ENTPD3: variants seen among roughly 807,000 people sequenced by gnomAD.
ENTPD3 encodes CD39 antigen-like 3.
In ENTPD3, 60 loss-of-function variants were observed where a neutral mutation model predicts 51.2. The ratio of observed to expected loss-of-function variants is 1.17; its 90% CI spans 0.95 to 1.45. The LOEUF is 1.45. Among genes scored for constraint, ENTPD3 ranks in the 40% most tolerant of loss-of-function variants. The probability of loss-of-function intolerance (pLI) is 0.00; values close to 1 mark genes in which losing one functional copy is unlikely to be tolerated. For missense variants in ENTPD3, 593 were observed against 641.1 expected, an observed-to-expected ratio of 0.93 and a Z score of 0.81; for synonymous variants, 221 against 238.4, an observed-to-expected ratio of 0.93 and a Z score of 0.67.
Position 40,417,560 on chromosome 3 carries a change from G to A in ENTPD3, c.831+1487G>A, listed in dbSNP as rs76615354. Reference sequence around the variant, plus strand: ...CCCACCAGGCCCCTCCTCCAACACTGGGATTACAATTTTACATGAGACAAA... The same window carrying A: ...CCCACCAGGCCCCTCCTCCAACACTAGGATTACAATTTTACATGAGACAAA... On this transcript the variant is annotated intron_variant, in intron 7 of 10. Transcript: ENST00000301825. Among the ~76,000 whole-genome samples the A allele has an allele frequency of 8.5e-3, 1,288 of 151,944 alleles. 18 individuals are homozygous for A. Among genetic ancestry groups the A allele is most frequent in the African/African-American group, 0.028 (1,145 of 41,390 alleles).
chr3:40,390,655 T>G (rs1464211172), intron 2 of ENTPD3, among the ~76,000 whole-genome samples: 2 of 152,232 alleles, frequency 1.3e-5, no homozygotes, highest in East Asian at 3.8e-4. Flanking sequence ...TAAGGGCAAT[T>G]TATAAGTTTA....
At position 40,391,861 on chromosome 3, in the gene ENTPD3, G is replaced by T; in HGVS notation, c.41-162G>T. On this transcript the variant is annotated intron_variant, in intron 2 of 10. Transcript: ENST00000301825. Reference sequence around the variant, plus strand: ...GTGCTTCCCCAAAACTGGGGAGAAGGGGAGCTTATTTGCTACTCCATCTTA... The same window carrying T: ...GTGCTTCCCCAAAACTGGGGAGAAGTGGAGCTTATTTGCTACTCCATCTTA... 3 of 761,342 alleles carry T rather than the reference G, an allele frequency of 3.9e-6. No individual in the cohort carries two copies. In the South Asian group the frequency reaches 5.0e-5, roughly 13 times the overall value. 47.2% of individuals were successfully genotyped at this position (761,342 alleles called of 1,614,324 possible).
intron 2 of ENTPD3, among the ~76,000 whole-genome samples, chr3:40,390,593 C>T (rs7636719): frequency 0.44 from 66,389 of 152,002 alleles, 16,163 homozygotes; most frequent in African/African-American, 0.65. Context: ...GATCTTAAGT[C>T]GTGCCCCTAA....
Position 40,415,926 on chromosome 3 carries a change from C to T in ENTPD3, c.684C>T (p.Ser228=). ...TAGGTGGTGCCTCCACCCAAATATC[C>T]TTCGTGGCAGGAGAGAAGATGGATC... ...LDLGGASTQI[S]FVAGEKMDLN... Residue 228 remains serine (S), a synonymous_variant, in exon 7 of 11, where the codon TCC becomes TCT. Transcript: ENST00000301825. 2 of 1,614,138 alleles carry T rather than the reference C, an allele frequency of 1.2e-6. No individual in the cohort carries two copies. Among genetic ancestry groups the T allele is most frequent in the South Asian group, 2.2e-5 (2 of 91,068 alleles).
At chr3:40,408,172 G>A (rs1955547788) in intron 4 of ENTPD3, among the ~76,000 whole-genome samples, 1 of 152,162 alleles carries the variant, frequency 6.6e-6, no homozygotes, top group African/African-American at 2.4e-5. Flanking sequence ...CACATACAAG[G>A]TATGGACTTT....
At position 40,415,831 on chromosome 3, in the gene ENTPD3, AC is replaced by A. The variant is rs752373865; in HGVS notation, c.598-8del. 2 of 1,611,322 alleles carry A rather than the reference AC, an allele frequency of 1.2e-6. No individual in the cohort carries two copies. The highest frequency in any genetic ancestry group is 2.7e-5 in the African/African-American group (2 of 74,972). On this transcript the variant is annotated splice_region_variant and splice_polypyrimidine_tract_variant and intron_variant, in intron 6 of 10. Transcript: ENST00000301825. ...GCTTTCTTTCTCACTTCCTTTTCCC[AC>A]TGTGCAGAAGAACCTGTGGCACATG...
intron 10 of ENTPD3, among the ~76,000 whole-genome samples, chr3:40,425,170 C>T (rs776074053): frequency 6.6e-6 from 1 of 152,116 alleles, no homozygotes; most frequent in East Asian, 1.9e-4. Context: ...GTAATCCCAG[C>T]GCTTTGGGAG....
intron 7 of ENTPD3, among the ~76,000 whole-genome samples, chr3:40,418,177 CAT>C (rs1243746021): frequency 2.0e-5 from 3 of 152,190 alleles, no homozygotes; most frequent in East Asian, 3.8e-4. Flanking sequence ...GACAGGGACA[CAT>C]GTCTTCAATT....
chr3:40,418,041 A>G (rs4973898), intron 7 of ENTPD3, among the ~76,000 whole-genome samples: 80,254 of 152,086 alleles, frequency 0.53, 24,053 homozygotes, highest in Non-Finnish European at 0.69. Flanking sequence ...AGCAGTCCAC[A>G]GAGAAGAAGT....
At chr3:40,418,196 G>A (rs1263360858) in intron 7 of ENTPD3, among the ~76,000 whole-genome samples, 1 of 152,116 alleles carries the variant, frequency 6.6e-6, no homozygotes, top group African/African-American at 2.4e-5. Flanking sequence ...AATTTGCATG[G>A]TAACCTCTAG....
At chr3:40,387,867 A>G (rs2305522) in intron 1 of ENTPD3, 179 bp from the exon 2 acceptor site, 221,494 of 565,544 alleles carry the variant, frequency 0.39, 47,748 homozygotes, top group African/African-American at 0.65. Flanking sequence ...AGATGACATG[A>G]AATTTAAGCT....
intron 4 of ENTPD3, among the ~76,000 whole-genome samples, chr3:40,403,779 A>C (rs766012656): frequency 2.6e-5 from 4 of 151,392 alleles, no homozygotes; most frequent in Non-Finnish European, 4.4e-5. Flanking sequence ...CAGCCTCCTG[A>C]GTAGCTGGGA....
At position 40,428,449 on chromosome 3, in the gene ENTPD3, TC is replaced by T. The variant is rs1011328865; in HGVS notation, c.*942del. On this transcript the variant is annotated 3_prime_UTR_variant, in exon 11 of 11. Transcript: ENST00000301825. ...GATCATAGACCTCTCTGCATAGTAG[TC>T]ATAGGTCTTGACTTTGGGGAAAGAA... is the stretch of plus-strand genomic sequence containing the variant. The T allele has an allele frequency of 3.3e-5, 5 of 152,200 alleles. No homozygotes were observed. The highest frequency in any genetic ancestry group is 1.2e-4 in the African/African-American group (5 of 41,452). The allele number at this position is 152,200 out of a possible 1,614,324, so 9.4% of individuals were successfully genotyped here.
chr3:40,423,930 G>GGA lies in ENTPD3; in HGVS notation c.1323_1324dup (p.Thr442ArgfsTer17). The stretch of plus-strand genomic sequence containing the variant: ...TTGTGAACGGTTACAAATTCACAGA[G>GGA]GAGACTTGGCCCCAAATACACTTTG... On this transcript the variant is annotated frameshift_variant, in exon 10 of 11. Coordinates refer to ENST00000301825, the MANE Select transcript of ENTPD3 (RefSeq NM_001248.4). LOFTEE classifies it high-confidence loss of function. 6.2e-7 allele frequency: 1 copy of GGA among 1,614,094 alleles called. No homozygotes were observed. The highest frequency in any genetic ancestry group is 1.1e-5 in the South Asian group (1 of 91,064).
At chr3:40,409,518 C>A (rs1324363396) in intron 4 of ENTPD3, among the ~76,000 whole-genome samples, 1 of 152,182 alleles carries the variant, frequency 6.6e-6, no homozygotes, top group Non-Finnish European at 1.5e-5. Context: ...ATGAAATCCA[C>A]GTCTGTGCAT....
chr3:40,424,458 A>G (rs114326950), intron 10 of ENTPD3, among the ~76,000 whole-genome samples: 2,132 of 152,344 alleles, frequency 0.014, 56 homozygotes, highest in African/African-American at 0.047. Flanking sequence ...TTAGCATTAA[A>G]TAAATATTTT....
intron 5 of ENTPD3, among the ~76,000 whole-genome samples, chr3:40,413,714 TC>T (rs1276281177): frequency 6.6e-5 from 10 of 152,200 alleles, no homozygotes; most frequent in African/African-American, 2.4e-4. Flanking sequence ...AATGAATGTC[TC>T]CTTTGAATAA....
chr3:40,402,116 T>TTTTTTTC (rs1553643051), intron 4 of ENTPD3, among the ~76,000 whole-genome samples: 25 of 32,346 alleles, frequency 7.7e-4, no homozygotes, highest in Non-Finnish European at 1.6e-3. Flanking sequence ...CTTTCCTTTT[T>TTTTTTTC]TTTTTTCTTT....
intron 5 of ENTPD3, among the ~76,000 whole-genome samples, chr3:40,413,086 A>G (rs1165699934): frequency 6.6e-6 from 1 of 152,190 alleles, no homozygotes; most frequent in Non-Finnish European, 1.5e-5. Flanking sequence ...AATTCCATGG[A>G]CCTAAAATCC....
Sources: allele counts gnomAD v4.1 joint callset (sites outside exome capture counted in the v4.1 genomes callset), GRCh38; gene constraint gnomAD v4.1.1; transcripts MANE v1.5; gene names NCBI Gene and HGNC (gene_info 2026-07-23, HGNC 2026-07-21).